The following DACH1 variants were observed in gnomAD, a reference collection of about 807,000 sequenced individuals.
The protein encoded by DACH1 is dachshund homolog 1.
DACH1 carries 12 observed loss-of-function variants against 54.2 expected under a neutral mutation model. The ratio of observed to expected loss-of-function variants is 0.22; its 90% CI spans 0.14 to 0.36. The LOEUF (loss-of-function observed/expected upper bound fraction) is 0.36. DACH1 is among the 10% of genes least tolerant of loss of function. DACH1 has a pLI of 1.00. For synonymous variants in DACH1, 386 were observed against 366.2 expected, an observed-to-expected ratio of 1.05 and a Z score of -0.62; for missense variants, 805 against 929.8, an observed-to-expected ratio of 0.87 and a Z score of 1.75.
chr13:71,500,649 C>A lies in DACH1; in HGVS notation c.1571-11501G>T, dbSNP rs1267850794. ...GACCCAAAGTTTTTCAAACCCAAGT[C>A]TGAAGATTCTCATTTCTTTTCTCAT... On this transcript the variant is annotated intron_variant, in intron 6 of 10. Coordinates refer to ENST00000613252, the MANE Select transcript of DACH1 (RefSeq NM_080759.6). 2.0e-5 allele frequency among the ~76,000 whole-genome samples: 3 copies of A among 152,240 alleles called. No homozygotes were observed. In the East Asian group the frequency reaches 5.8e-4, roughly 29 times the overall value.
At chr13:71,724,392 T>C (rs1178702472) in intron 1 of DACH1, among the ~76,000 whole-genome samples, 1 of 152,098 alleles carries the variant, frequency 6.6e-6, no homozygotes, top group African/African-American at 2.4e-5. Flanking sequence ...ACTGAATGAA[T>C]AAATAAAATT....
At chr13:71,795,755 C>G (rs76536401) in intron 1 of DACH1, among the ~76,000 whole-genome samples, 4,072 of 152,222 alleles carry the variant, frequency 0.027, 183 homozygotes, top group African/African-American at 0.091. Context: ...AAGTATTTAA[C>G]CTCATCTAAT....
At chr13:71,811,560 T>C (rs1477929348) in intron 1 of DACH1, among the ~76,000 whole-genome samples, 1 of 152,196 alleles carries the variant, frequency 6.6e-6, no homozygotes, top group Non-Finnish European at 1.5e-5. Context: ...TCTGACATCT[T>C]GGAGAGTATT....
At chr13:71,842,947 T>C (rs1319305051) in intron 1 of DACH1, among the ~76,000 whole-genome samples, 1 of 152,192 alleles carries the variant, frequency 6.6e-6, no homozygotes, top group Non-Finnish European at 1.5e-5. Context: ...AAAGAGAATC[T>C]TCATTTTCAA....
intron 1 of DACH1, among the ~76,000 whole-genome samples, chr13:71,728,049 A>T (rs973747663): frequency 5.9e-5 from 9 of 152,090 alleles, no homozygotes; most frequent in African/African-American, 2.2e-4. Context: ...GGATTTCTAC[A>T]ATTAAAATAT....
At chr13:71,678,907 G>C (rs1470433861) in intron 2 of DACH1, among the ~76,000 whole-genome samples, 1 of 152,134 alleles carries the variant, frequency 6.6e-6, no homozygotes, top group African/African-American at 2.4e-5. Context: ...CAATCCTCCT[G>C]CCTCAGGCTC....
At chr13:71,601,149 G>C (rs903539880) in intron 3 of DACH1, among the ~76,000 whole-genome samples, 1 of 151,988 alleles carries the variant, frequency 6.6e-6, no homozygotes. Flanking sequence ...GTGTTCTTTG[G>C]TGGCATTTGT....
chr13:71,826,047 T>C (rs530619942), intron 1 of DACH1, among the ~76,000 whole-genome samples: 1 of 152,230 alleles, frequency 6.6e-6, no homozygotes, highest in African/African-American at 2.4e-5. Context: ...TCAATCCTGA[T>C]TCCAAATTTT....
At chr13:71,462,937 G>A (rs957647794) in intron 10 of DACH1, among the ~76,000 whole-genome samples, 5 of 151,472 alleles carry the variant, frequency 3.3e-5, no homozygotes, top group African/African-American at 7.3e-5. Flanking sequence ...ATACATATGC[G>A]TGTGTGTGCA....
At chr13:71,856,572 A>T (rs2138278381) in intron 1 of DACH1, among the ~76,000 whole-genome samples, 1 of 152,082 alleles carries the variant, frequency 6.6e-6, no homozygotes, top group African/African-American at 2.4e-5. Flanking sequence ...CTAAATGCAA[A>T]GATGAACTTT....
At chr13:71,831,166 T>C (rs1031137059) in intron 1 of DACH1, among the ~76,000 whole-genome samples, 1 of 151,904 alleles carries the variant, frequency 6.6e-6, no homozygotes, top group African/African-American at 2.4e-5. Context: ...TATTTTAAAA[T>C]GTCATCACAT....
chr13:71,542,570 C>A (rs1883206560), intron 6 of DACH1, among the ~76,000 whole-genome samples: 1 of 152,026 alleles, frequency 6.6e-6, no homozygotes, highest in Admixed American at 6.6e-5. Context: ...AATTTTTCCA[C>A]AATAAATAAA....
At chr13:71,608,173 T>A (rs187627326) in intron 3 of DACH1, among the ~76,000 whole-genome samples, 1 of 152,008 alleles carries the variant, frequency 6.6e-6, no homozygotes, top group East Asian at 1.9e-4. Flanking sequence ...TATATACACA[T>A]CAGAAAAATA....
At chr13:71,650,844 A>G (rs1007557571) in intron 2 of DACH1, among the ~76,000 whole-genome samples, 7 of 152,170 alleles carry the variant, frequency 4.6e-5, no homozygotes, top group Non-Finnish European at 1.5e-5. Context: ...TGATGTTAAT[A>G]ATTTTTATGA....
chr13:71,485,457 A>C (rs1255262903), intron 7 of DACH1, among the ~76,000 whole-genome samples: 2 of 149,752 alleles, frequency 1.3e-5, no homozygotes, highest in East Asian at 3.9e-4. Flanking sequence ...TATATATATA[A>C]ATTTTATAAA....
intron 3 of DACH1, among the ~76,000 whole-genome samples, chr13:71,592,244 G>A (rs1873761276): frequency 6.6e-6 from 1 of 152,040 alleles, no homozygotes; most frequent in African/African-American, 2.4e-5. Context: ...GAGTGCCATG[G>A]CTCATGCCTG....
intron 2 of DACH1, among the ~76,000 whole-genome samples, chr13:71,648,642 C>A (rs1003266596): frequency 6.6e-6 from 1 of 152,106 alleles, no homozygotes; most frequent in Non-Finnish European, 1.5e-5. Context: ...CCCTCTCAGT[C>A]GTTAGATAGA....
At position 71,559,908 on chromosome 13, in the gene DACH1, C is replaced by A; in HGVS notation, c.1347G>T (p.Gly449=). 1.2e-6 allele frequency: 2 copies of A among 1,608,470 alleles called. No individual in the cohort carries two copies. Among genetic ancestry groups the A allele is most frequent in the Non-Finnish European group, 1.7e-6 (2 of 1,177,458 alleles). ...ATGATGGGTGACTGCCAGGCCTTCT[C>A]CCCTCCTCCAGAGAGGGGGCAGGTG... ...SPSPAPSLEE[G]RRPGSHPSSH... The change falls in exon 5 of 11, where the codon GGG becomes GGT. Residue 449 remains glycine (G), a synonymous_variant. Transcript: ENST00000613252.
intron 2 of DACH1, among the ~76,000 whole-genome samples, chr13:71,652,678 C>T (rs1878767822): frequency 6.6e-6 from 1 of 152,042 alleles, no homozygotes; most frequent in Non-Finnish European, 1.5e-5. Context: ...TCTTCCTCCG[C>T]CTCACCTTCT....
Sources: gnomAD v4.1 joint callset for allele counts (sites outside exome capture counted in the v4.1 genomes callset) on GRCh38, gnomAD v4.1.1 for gene constraint, MANE v1.5 for transcripts, NCBI Gene and HGNC (gene_info 2026-07-23, HGNC 2026-07-21) for gene names.